ZNF423: variants seen among roughly 807,000 people sequenced by gnomAD.
ZNF423 encodes Ebf-associated zinc finger protein.
ZNF423 carries 12 observed loss-of-function variants against 95.8 expected under a neutral mutation model. The observed-to-expected ratio is 0.13, with a 90% confidence interval of 0.08 to 0.20. The LOEUF (loss-of-function observed/expected upper bound fraction) is 0.20. Ranked by LOEUF, ZNF423 falls within the 10% of genes least tolerant of loss-of-function variation. The pLI is 1.00. For missense variants in ZNF423, 1,316 were observed against 1,737.1 expected (o/e 0.76, Z 4.31); for synonymous variants, 749 against 711.9 (o/e 1.05, Z -0.83).
At chr16:49,766,549 G>A (rs573909456) in intron 2 of ZNF423, among the ~76,000 whole-genome samples, 3 of 152,352 alleles carry the variant, frequency 2.0e-5, no homozygotes, top group South Asian at 4.1e-4. Context: ...GGCTCTGGGG[G>A]ACTCCCAGTC....
At chr16:49,578,891 G>A (rs991327270) in intron 5 of ZNF423, among the ~76,000 whole-genome samples, 5 of 152,206 alleles carry the variant, frequency 3.3e-5, no homozygotes, top group Non-Finnish European at 7.3e-5. Flanking sequence ...AACAAAATGC[G>A]CTAGTGTTAA....
At chr16:49,709,802 G>T (rs2032487076) in intron 3 of ZNF423, among the ~76,000 whole-genome samples, 1 of 152,164 alleles carries the variant, frequency 6.6e-6, no homozygotes, top group Admixed American at 6.6e-5. Context: ...TCTATGAGGA[G>T]TGGGCCCTTA....
At chr16:49,597,537 T>A (rs1971220816) in intron 5 of ZNF423, among the ~76,000 whole-genome samples, 1 of 152,190 alleles carries the variant, frequency 6.6e-6, no homozygotes, top group Admixed American at 6.5e-5. Flanking sequence ...AATTTTTTTT[T>A]AAATGTGGCT....
chr16:49,828,604 C>A (rs1294843369), intron 1 of ZNF423, among the ~76,000 whole-genome samples: 2 of 152,232 alleles, frequency 1.3e-5, no homozygotes, highest in African/African-American at 2.4e-5. Context: ...CTTGGGGAGA[C>A]CAAACCCTGT....
intron 1 of ZNF423, among the ~76,000 whole-genome samples, chr16:49,811,340 T>C (rs1015038706): frequency 6.6e-6 from 1 of 151,772 alleles, no homozygotes; most frequent in Admixed American, 6.6e-5. Flanking sequence ...GAGTTGGCCT[T>C]GATGGGATCT....
chr16:49,839,881 A>G (rs2356734), intron 1 of ZNF423, among the ~76,000 whole-genome samples: 109,534 of 152,060 alleles, frequency 0.72, 39,573 homozygotes, highest in South Asian at 0.79. Context: ...CCCCTTCACC[A>G]TCTGGGATCC....
At position 49,491,123 on chromosome 16, in the gene ZNF423, G is replaced by C; in HGVS notation, c.*152C>G. On this transcript the variant is annotated 3_prime_UTR_variant, in exon 8 of 8. Transcript: ENST00000563137. ...TCTCTGCCATTAATATTCATTTCCA[G>C]CTGCTTATAATAGCAGCGCCTCATG... 1.2e-6 allele frequency: 1 copy of C among 827,690 alleles called. No homozygotes were observed. Among genetic ancestry groups the C allele is most frequent in the Non-Finnish European group, 2.0e-6 (1 of 489,752 alleles). 51.3% of individuals were successfully genotyped at this position (827,690 alleles called of 1,614,324 possible). A position where few individuals can be genotyped will look rare whatever the true frequency, so the allele number is the denominator to read the frequency against.
chr16:49,851,163 T>G (rs1332166336), intron 1 of ZNF423, among the ~76,000 whole-genome samples: 1 of 152,220 alleles, frequency 6.6e-6, no homozygotes, highest in East Asian at 1.9e-4. Context: ...TTGTTTTATT[T>G]TTAAACAGAA....
chr16:49,552,210 T>C (rs1231253914), intron 5 of ZNF423, among the ~76,000 whole-genome samples: 1 of 152,222 alleles, frequency 6.6e-6, no homozygotes, highest in African/African-American at 2.4e-5. Flanking sequence ...ACAGAGTTGA[T>C]GACCCTTGAA....
chr16:49,779,963 T>G (rs1383786425), intron 2 of ZNF423, among the ~76,000 whole-genome samples: 8 of 151,908 alleles, frequency 5.3e-5, no homozygotes, highest in African/African-American at 1.9e-4. Flanking sequence ...CGCTGCAAAA[T>G]CTCAATGCCA....
intron 5 of ZNF423, among the ~76,000 whole-genome samples, chr16:49,592,429 C>A (rs1477271027): frequency 6.8e-6 from 1 of 147,290 alleles, no homozygotes; most frequent in South Asian, 2.3e-4. Context: ...ACCACATCAT[C>A]ATCTACTCAA....
intron 5 of ZNF423, among the ~76,000 whole-genome samples, chr16:49,579,338 C>T (rs898231097): frequency 2.6e-5 from 4 of 151,740 alleles, no homozygotes; most frequent in Admixed American, 2.0e-4. Context: ...CTTGGGCCAA[C>T]TGGACCACAC....
intron 1 of ZNF423, among the ~76,000 whole-genome samples, chr16:49,825,855 G>C (rs928975812): frequency 6.6e-6 from 1 of 152,244 alleles, no homozygotes; most frequent in Admixed American, 6.5e-5. Flanking sequence ...GCGGTTCCAG[G>C]CCCTTTCCGA....
At chr16:49,755,740 C>A (rs2033714714) in intron 2 of ZNF423, among the ~76,000 whole-genome samples, 1 of 152,140 alleles carries the variant, frequency 6.6e-6, no homozygotes. Flanking sequence ...TAATAATTAG[C>A]CATTCTTAGA....
intron 3 of ZNF423, among the ~76,000 whole-genome samples, chr16:49,677,292 A>AGAAGGGAAGGGAAGG (rs2031125070): frequency 6.2e-5 from 5 of 81,124 alleles, no homozygotes; most frequent in Non-Finnish European, 1.3e-4. Flanking sequence ...AGAAGAGAAG[A>AGAAGGGAAGGGAAGG]GAAGAGAAGA....
At chr16:49,805,370 G>A (rs970360707) in intron 1 of ZNF423, among the ~76,000 whole-genome samples, 4 of 152,150 alleles carry the variant, frequency 2.6e-5, no homozygotes, top group Non-Finnish European at 1.5e-5. Flanking sequence ...TACTCCCAAT[G>A]GCCCTACAAA....
chr16:49,527,439 A>G (rs1321405619), intron 5 of ZNF423, among the ~76,000 whole-genome samples: 3 of 152,142 alleles, frequency 2.0e-5, no homozygotes, highest in African/African-American at 7.2e-5. Context: ...GATGGCCTCC[A>G]GTGTGGGGGG....
rs1002374029 is a variant in ZNF423, at chr16:49,488,268, C to G, written c.*3007G>C. 1.3e-5 allele frequency: 2 copies of G among 152,234 alleles called. No individual in the cohort carries two copies. The highest frequency in any genetic ancestry group is 1.3e-4 in the Admixed American group (2 of 15,292). The allele number at this position is 152,234 out of a possible 1,614,324, so 9.4% of individuals were successfully genotyped here. Reference sequence around the variant, plus strand: ...AGGAGCGTTCTTTAAGGCTGGGGAACTCGAGAAGATTTCTCCCATGACAGT... The same window carrying G: ...AGGAGCGTTCTTTAAGGCTGGGGAAGTCGAGAAGATTTCTCCCATGACAGT... On this transcript the variant is annotated 3_prime_UTR_variant, in exon 8 of 8. Coordinates refer to ENST00000563137, the MANE Select transcript of ZNF423 (RefSeq NM_001379286.1).
rs903085759 is a variant in ZNF423 at position 49,799,572 on chromosome 16, C to T, written c.41-10026G>A. 2.0e-5 allele frequency among the ~76,000 whole-genome samples: 3 copies of T among 152,302 alleles called. No individual in the cohort carries two copies. The East Asian group carries it at 5.8e-4, about 29-fold the overall frequency. ...AGCTTCTGTGCCAGCTCATCTCCCT[C>T]TCACCCTCCTATTCCCCATGATCAC... On this transcript the variant is annotated intron_variant, in intron 1 of 7. Transcript: ENST00000563137.
Sources: allele counts gnomAD v4.1 joint callset (sites outside exome capture counted in the v4.1 genomes callset), GRCh38; gene constraint gnomAD v4.1.1; transcripts MANE v1.5; gene names NCBI Gene and HGNC (gene_info 2026-07-23, HGNC 2026-07-21).